Variants in SHROOM2 observed in about 807,000 individuals in gnomAD.
The protein encoded by SHROOM2 is shroom family member 2, also known as protein Shroom2.
In SHROOM2, 33 loss-of-function variants were observed where a neutral mutation model predicts 75.9. The observed-to-expected ratio is 0.43, with a 90% CI of 0.33 to 0.58. The LOEUF (loss-of-function observed/expected upper bound fraction) is 0.58. Ranked by LOEUF, SHROOM2 falls within the 20% of genes least tolerant of loss-of-function variation. SHROOM2 has a pLI of 0.04. For synonymous variants in SHROOM2, 655 were observed against 663.6 expected (o/e 0.99, Z 0.20); for missense variants, 1,434 against 1,461.2 (o/e 0.98, Z 0.30).
intron 5 of SHROOM2, among the ~76,000 whole-genome samples, chrX:9,926,920 T>C (rs965130967): frequency 9.0e-6 from 1 of 110,637 alleles, no homozygotes; most frequent in African/African-American, 3.3e-5. Context: ...GTCCCAAGCA[T>C]TTCGGAAGAG....
intron 4 of SHROOM2, among the ~76,000 whole-genome samples, chrX:9,897,981 T>C (rs1488779354): frequency 8.9e-6 from 1 of 112,168 alleles, no homozygotes; most frequent in East Asian, 2.8e-4. Context: ...TTTTGGCCAA[T>C]TGTGCCACAC....
chrX:9,937,279 G>C lies in SHROOM2; in HGVS notation c.3733G>C (p.Asp1245His), dbSNP rs1033602309. The C allele has an allele frequency of 6.6e-6, 8 of 1,210,763 alleles. No individual in the cohort carries two copies. Among genetic ancestry groups the C allele is most frequent in the Non-Finnish European group, 8.9e-6 (8 of 894,990 alleles). Residue 1245 changes from aspartate to histidine, a missense_variant, in exon 7 of 10, where the codon GAC (aspartate) becomes CAC (histidine). Transcript: ENST00000380913. ...TGCCCTGCCCCACGGGCTGGAGAAAGACCAGATCAAGACGCTGAGCACATC... is the reference window on the plus strand; with the variant it reads ...TGCCCTGCCCCACGGGCTGGAGAAACACCAGATCAAGACGCTGAGCACATC... Reference protein sequence around the residue: ...PPALPHGLEKDQIKTLSTSEQ... With the variant: ...PPALPHGLEKHQIKTLSTSEQ...
chrX:9,920,085 A>C (rs2084531038), intron 5 of SHROOM2, among the ~76,000 whole-genome samples: 1 of 65,893 alleles, frequency 1.5e-5, no homozygotes, highest in African/African-American at 8.5e-5. Flanking sequence ...ACTACGGTTC[A>C]TCAGACAGAC....
intron 5 of SHROOM2, among the ~76,000 whole-genome samples, chrX:9,903,915 C>T (rs1373768890): frequency 8.1e-5 from 9 of 110,848 alleles, no homozygotes. Flanking sequence ...TTAAGAAACC[C>T]AGGACCGAGA....
At chrX:9,881,256 C>T (rs1601963370) in intron 2 of SHROOM2, among the ~76,000 whole-genome samples, 1 of 111,797 alleles carries the variant, frequency 8.9e-6, no homozygotes, top group Admixed American at 9.5e-5. Flanking sequence ...GTACGGAAAG[C>T]AAGGTCATTG....
rs144237327 is a variant in SHROOM2 at position 9,891,122 on chromosome X, C to T, written c.449+14C>T. 2.3e-3 allele frequency: 2,748 copies of T among 1,197,722 alleles called. 53 individuals are homozygous for T. The African/African-American group carries it at 0.042, about 18-fold the overall frequency. On this transcript the variant is annotated intron_variant, in intron 3 of 9. Transcript: ENST00000380913. ...ACACCACGCGAGGTAGGCACCCATTCCCGTCCAGGATGCCAGGTTTGTTCA... is the reference window on the plus strand; with the variant it reads ...ACACCACGCGAGGTAGGCACCCATTTCCGTCCAGGATGCCAGGTTTGTTCA...
At chrX:9,790,916 A>G (rs1208233684) in intron 1 of SHROOM2, among the ~76,000 whole-genome samples, 5 of 110,724 alleles carry the variant, frequency 4.5e-5, no homozygotes, top group African/African-American at 1.3e-4. Flanking sequence ...CTCAAGTCCT[A>G]TTCCAGGGTC....
At chrX:9,861,756 G>A (rs758221307) in intron 1 of SHROOM2, among the ~76,000 whole-genome samples, 1 of 112,253 alleles carries the variant, frequency 8.9e-6, no homozygotes, top group East Asian at 2.8e-4. Flanking sequence ...AAAACCAAGA[G>A]TAGGAAGCAT....
chrX:9,883,703 T>A (rs1319080739), intron 2 of SHROOM2, among the ~76,000 whole-genome samples: 1 of 110,653 alleles, frequency 9.0e-6, no homozygotes, highest in Non-Finnish European at 1.9e-5. Flanking sequence ...GGGAGACTGA[T>A]CTGGCAGGAG....
chrX:9,817,828 A>G (rs775891453), intron 1 of SHROOM2, among the ~76,000 whole-genome samples: 6 of 112,120 alleles, frequency 5.4e-5, no homozygotes, highest in African/African-American at 1.3e-4. Context: ...GTACCTAACA[A>G]TATCTAGCAG....
rs61744805 is a variant in SHROOM2 at position 9,932,546 on chromosome X, G to C, written c.3263G>C (p.Gly1088Ala). 3,629 of 1,209,811 alleles carry C rather than the reference G, an allele frequency of 3.0e-3. 53 individuals are homozygous for C. In the African/African-American group the frequency reaches 0.052, roughly 17 times the overall value. ...TDGAPADAPV[G>A]VLGRPFPTPS... The stretch of plus-strand genomic sequence containing the variant: ...GGCGCACCTGCTGACGCCCCCGTGG[G>C]CGTCCTCGGCAGGCCCTTCCCAACG... Residue 1088 changes from glycine to alanine, a missense_variant, in exon 6 of 10, where the codon GGC becomes GCC. Physicochemically the swap from Gly to Ala is moderately conservative, Grantham distance 60. Coordinates refer to ENST00000380913, the MANE Select transcript of SHROOM2 (RefSeq NM_001649.4).
rs769869968 is a variant in SHROOM2, at chrX:9,932,792, G to T, written c.3509G>T (p.Arg1170Leu). 1 of 1,208,582 alleles carries T rather than the reference G, an allele frequency of 8.3e-7. No homozygotes were observed. Among genetic ancestry groups the T allele is most frequent in the Non-Finnish European group, 1.1e-6 (1 of 895,122 alleles). ...RLQTATMETSRSPSPQFAPQK... is the reference protein window; with the variant it reads ...RLQTATMETSLSPSPQFAPQK... ...CAGACGGCCACCATGGAGACCTCGC[G>T]CTCCCCCTCGCCCCAGTTCGCCCCC... is the stretch of plus-strand genomic sequence containing the variant. Residue 1170 changes from arginine to leucine, a missense_variant, in exon 6 of 10, where the codon CGC becomes CTC. This residue lies in a region of SHROOM2 where 1,340 missense variants were observed against 1,338.3 expected (regional missense o/e 1.00). Transcript: ENST00000380913.
Position 9,879,046 on chromosome X carries a change from G to A in SHROOM2, c.317+5243G>A, listed in dbSNP as rs1303094328. ...TTTATTATGAGTGAAGGAAAGAAAG[G>A]AGAGAGGGAGGGAGGGAGGATGGGA... On this transcript the variant is annotated intron_variant, in intron 2 of 9. Coordinates refer to ENST00000380913, the MANE Select transcript of SHROOM2 (RefSeq NM_001649.4). Among the ~76,000 whole-genome samples the A allele has an allele frequency of 7.3e-4, 80 of 110,340 alleles. 2 individuals are homozygous for A. Among genetic ancestry groups the A allele is most frequent in the Non-Finnish European group, 1.9e-5 (1 of 52,849 alleles).
intron 1 of SHROOM2, among the ~76,000 whole-genome samples, chrX:9,808,849 T>G (rs192593305): frequency 9.1e-6 from 1 of 109,905 alleles, no homozygotes; most frequent in Non-Finnish European, 1.9e-5. Flanking sequence ...GGGACAAGAG[T>G]GAACTTCGTC....
chrX:9,877,772 A>G (rs4830669), intron 2 of SHROOM2, among the ~76,000 whole-genome samples: 58,580 of 106,893 alleles, frequency 0.55, 14,363 homozygotes, highest in South Asian at 0.76. Context: ...CATTTTCCTC[A>G]TTAACTTAGC....
intron 1 of SHROOM2, among the ~76,000 whole-genome samples, chrX:9,801,733 G>A (rs1016074920): frequency 1.8e-5 from 2 of 111,173 alleles, no homozygotes; most frequent in Non-Finnish European, 3.8e-5. Flanking sequence ...TGGGCCAATC[G>A]CTTGAGCCCA....
intron 2 of SHROOM2, among the ~76,000 whole-genome samples, chrX:9,889,218 G>A (rs1221864836): frequency 8.9e-6 from 1 of 112,289 alleles, no homozygotes; most frequent in Non-Finnish European, 1.9e-5. Flanking sequence ...AAGTCAGCAT[G>A]TTCCACATTT....
chrX:9,875,488 G>A (rs1345693402), intron 2 of SHROOM2, among the ~76,000 whole-genome samples: 1 of 111,727 alleles, frequency 9.0e-6, no homozygotes, highest in Non-Finnish European at 1.9e-5. Flanking sequence ...TCTGTCTCCT[G>A]TACTGTCTCG....
At chrX:9,816,095 C>A (rs1274833623) in intron 1 of SHROOM2, among the ~76,000 whole-genome samples, 1 of 112,429 alleles carries the variant, frequency 8.9e-6, no homozygotes, top group African/African-American at 3.2e-5. Context: ...GGAGATTCAT[C>A]CATGTTGTAG....
Sources: allele counts gnomAD v4.1 joint callset (sites outside exome capture counted in the v4.1 genomes callset), GRCh38; gene constraint gnomAD v4.1.1; regional missense constraint gnomAD v4.1.1; transcripts MANE v1.5; gene names NCBI Gene and HGNC (gene_info 2026-07-23, HGNC 2026-07-21).